PLIN3: variants seen among roughly 807,000 people sequenced by gnomAD.
The protein encoded by PLIN3 is perilipin-3.
In PLIN3, 30 loss-of-function variants were observed where a neutral mutation model predicts 35.9. The observed-to-expected ratio is 0.84, with a 90% CI of 0.62 to 1.13. The LOEUF (loss-of-function observed/expected upper bound fraction) is 1.13, where lower values mean the gene tolerates loss of function less well. Among genes scored for constraint, PLIN3 ranks in the 50% most tolerant of loss-of-function variants. The probability of loss-of-function intolerance (pLI) is 0.00; values close to 1 mark genes in which losing one functional copy is unlikely to be tolerated. For missense variants in PLIN3, 603 were observed against 596.9 expected (o/e 1.01, Z -0.11); for synonymous variants, 261 against 262.5 (o/e 0.99, Z 0.06).
At chr19:4,841,904 C>CAAAAAAAAAA (rs111932271) in intron 7 of PLIN3, among the ~76,000 whole-genome samples, 5 of 38,408 alleles carry the variant, frequency 1.3e-4, no homozygotes, top group Non-Finnish European at 2.6e-4. Context: ...GACTCCATCT[C>CAAAAAAAAAA]AAAAAAAAAA....
intron 1 of PLIN3, among the ~76,000 whole-genome samples, chr19:4,864,451 G>GT (rs749341058): frequency 0.037 from 4,721 of 127,792 alleles, 105 homozygotes; most frequent in Non-Finnish European, 0.054. Flanking sequence ...CTCAGCCGTG[G>GT]TTTGTTTTTT....
chr19:4,850,096 G>A (rs1463636927), intron 5 of PLIN3, among the ~76,000 whole-genome samples: 2 of 151,550 alleles, frequency 1.3e-5, no homozygotes, highest in African/African-American at 2.4e-5. Context: ...ACAGGGATGC[G>A]CCACCATGCC....
At chr19:4,860,116 C>G in intron 2 of PLIN3, 92 bp from the exon 3 acceptor site, 1 of 1,112,920 alleles carries the variant, frequency 9.0e-7, no homozygotes, top group Non-Finnish European at 1.3e-6. Context: ...TGCTCTTACT[C>G]CTGGCCAGTG....
intron 4 of PLIN3, among the ~76,000 whole-genome samples, chr19:4,856,550 C>T (rs1599170423): frequency 1.3e-5 from 2 of 151,840 alleles, no homozygotes; most frequent in African/African-American, 2.4e-5. Context: ...AAGAGCAACA[C>T]TCTGTCTCAA....
chr19:4,855,095 C>G (rs2030428689), intron 4 of PLIN3, among the ~76,000 whole-genome samples: 1 of 151,450 alleles, frequency 6.6e-6, no homozygotes, highest in African/African-American at 2.4e-5. Flanking sequence ...ACTAAAAATA[C>G]AAAAATTTGC....
chr19:4,850,299 TG>T (rs1599164697), intron 5 of PLIN3, among the ~76,000 whole-genome samples: 1 of 149,584 alleles, frequency 6.7e-6, no homozygotes, highest in East Asian at 2.0e-4. Flanking sequence ...TTTTTTGAGA[TG>T]GAGTCTCACT....
In PLIN3 at chr19:4,856,498, CA is replaced by C. The variant is rs2030480360; in HGVS notation, c.348+3091del. ...GCTTGAGCCCGAGAGGCGGAGGTTG[CA>C]GTGAGCCGAGATCGCACCATTGCAC... On this transcript the variant is annotated intron_variant, in intron 4 of 7. Coordinates refer to ENST00000221957, the MANE Select transcript of PLIN3 (RefSeq NM_005817.5). Among the ~76,000 whole-genome samples, 2 of 150,916 alleles carry C rather than the reference CA, an allele frequency of 1.3e-5. 1 individual carries two copies. Among genetic ancestry groups the C allele is most frequent in the South Asian group, 4.3e-4 (2 of 4,662 alleles).
chr19:4,840,765 C>T (rs918503062), intron 7 of PLIN3, among the ~76,000 whole-genome samples: 2 of 152,070 alleles, frequency 1.3e-5, no homozygotes, highest in African/African-American at 4.8e-5. Flanking sequence ...ACCAACATGG[C>T]GAAACCCGCA....
chr19:4,865,670 G>A (rs1226151991), intron 1 of PLIN3, among the ~76,000 whole-genome samples: 1 of 151,320 alleles, frequency 6.6e-6, no homozygotes, highest in African/African-American at 2.4e-5. Flanking sequence ...GCAAAATGAT[G>A]ATGTTTTGCA....
At position 4,838,425 on chromosome 19, in the gene PLIN3, C is replaced by T. The variant is rs35425325; in HGVS notation, c.*767G>A. On this transcript the variant is annotated 3_prime_UTR_variant, in exon 8 of 8. Transcript: ENST00000221957. Reference sequence around the variant, plus strand: ...TTACCACACAGGCCCCAGTACCTTTCTACTCTACAATGAGGCTCAGAAGCT... The same window carrying T: ...TTACCACACAGGCCCCAGTACCTTTTTACTCTACAATGAGGCTCAGAAGCT... 877 of 152,562 alleles carry T rather than the reference C, an allele frequency of 5.7e-3. 6 individuals are homozygous for T. Among genetic ancestry groups the T allele is most frequent in the Middle Eastern group, 0.014 (4 of 294 alleles). 9.5% of individuals were successfully genotyped at this position (152,562 alleles called of 1,614,324 possible). A position where few individuals can be genotyped will look rare whatever the true frequency, so the allele number is the denominator to read the frequency against.
At chr19:4,848,378 G>A (rs1477848935) in intron 5 of PLIN3, among the ~76,000 whole-genome samples, 1 of 152,184 alleles carries the variant, frequency 6.6e-6, no homozygotes, top group African/African-American at 2.4e-5. Context: ...CTGCAAAACG[G>A]GGATAAGGAA....
chr19:4,863,815 G>A (rs573709906), intron 1 of PLIN3, among the ~76,000 whole-genome samples: 3 of 144,204 alleles, frequency 2.1e-5, no homozygotes, highest in African/African-American at 2.5e-5. Flanking sequence ...GTGACAGAGC[G>A]AGACTCCATC....
chr19:4,853,938 T>TC (rs1204569977), intron 4 of PLIN3, among the ~76,000 whole-genome samples: 6 of 151,284 alleles, frequency 4.0e-5, no homozygotes, highest in Non-Finnish European at 8.9e-5. Flanking sequence ...AGTCTTTTTT[T>TC]TTTTTTTCTT....
chr19:4,857,970 C>A (rs1169430503), intron 4 of PLIN3, among the ~76,000 whole-genome samples: 3 of 139,858 alleles, frequency 2.1e-5, no homozygotes, highest in Admixed American at 7.4e-5. Flanking sequence ...GAGCGAAACT[C>A]CATCTTAAAA....
chr19:4,860,112 T>G (rs1391352216), intron 2 of PLIN3, 88 bp from the exon 3 acceptor site: 1 of 1,171,318 alleles, frequency 8.5e-7, no homozygotes, highest in East Asian at 2.5e-5. Context: ...GTTTTGCTCT[T>G]ACTCCTGGCC....
Position 4,851,818 on chromosome 19 carries a change from G to A in PLIN3, c.634+198C>T, listed in dbSNP as rs1039748615. ...GCCCTCTGGTGGCTGCTGTGGGGAGGAGACTGTGGTGGATGAGGGCGGGAG... is the reference window on the plus strand; with the variant it reads ...GCCCTCTGGTGGCTGCTGTGGGGAGAAGACTGTGGTGGATGAGGGCGGGAG... On this transcript the variant is annotated intron_variant, in intron 5 of 7. Transcript: ENST00000221957. Among the ~76,000 whole-genome samples the A allele has an allele frequency of 9.2e-5, 14 of 152,162 alleles. 1 individual carries two copies. In the South Asian group the frequency reaches 1.5e-3, roughly 16 times the overall value.
intron 1 of PLIN3, among the ~76,000 whole-genome samples, chr19:4,866,272 C>A (rs1196011079): frequency 4.6e-5 from 7 of 152,152 alleles, no homozygotes; most frequent in African/African-American, 1.7e-4. Flanking sequence ...CCCACCTCAG[C>A]CTCCCAAAGT....
intron 4 of PLIN3, among the ~76,000 whole-genome samples, 185 bp downstream of exon 4, chr19:4,859,401 AATCT>A (rs2146213152): frequency 6.6e-6 from 1 of 152,218 alleles, no homozygotes; most frequent in East Asian, 1.9e-4. Context: ...AGGCGCCTGT[AATCT>A]GGCTGGCTTT....
intron 4 of PLIN3, among the ~76,000 whole-genome samples, chr19:4,859,038 G>A (rs557554267): frequency 6.6e-6 from 1 of 152,100 alleles, no homozygotes; most frequent in East Asian, 1.9e-4. Context: ...CTTTCCTGCC[G>A]CCAACCTTTT....
Sources: gnomAD v4.1 joint callset for allele counts (sites outside exome capture counted in the v4.1 genomes callset) on GRCh38, gnomAD v4.1.1 for gene constraint, MANE v1.5 for transcripts, NCBI Gene and HGNC (gene_info 2026-07-23, HGNC 2026-07-21) for gene names.